SYNPR: variants seen among roughly 807,000 people sequenced by gnomAD.
The protein encoded by SYNPR is synaptoporin.
A neutral mutation model predicts 32.9 loss-of-function variants in SYNPR; 23 were observed. That is an observed-to-expected ratio of 0.70 (90% CI 0.50 to 0.99). The LOEUF is 0.99. Among genes scored for constraint, SYNPR ranks in the 50% least tolerant of loss-of-function variants. The pLI is 0.00. For synonymous variants in SYNPR, 146 were observed against 135.9 expected (o/e 1.07, Z -0.52); for missense variants, 318 against 349.3 (o/e 0.91, Z 0.71).
At position 63,534,047 on chromosome 3, in the gene SYNPR, C is replaced by G. The variant is rs138988930; in HGVS notation, c.210-22496C>G. 3.9e-5 allele frequency among the ~76,000 whole-genome samples: 6 copies of G among 152,244 alleles called. No individual in the cohort carries two copies. The East Asian group carries it at 1.2e-3, about 29-fold the overall frequency. ...AGTAGGAAATATGTGACCCTAGAAACTTGTATTTAAATAGATCCAACTTGA... is the reference window on the plus strand; with the variant it reads ...AGTAGGAAATATGTGACCCTAGAAAGTTGTATTTAAATAGATCCAACTTGA... On this transcript the variant is annotated intron_variant, in intron 3 of 5. Coordinates refer to ENST00000478300, the MANE Select transcript of SYNPR (RefSeq NM_001130003.2).
rs189544774 is a variant in SYNPR, at chr3:63,378,696, C to T, written c.84+99954C>T. On this transcript the variant is annotated intron_variant, in intron 2 of 5. Coordinates refer to ENST00000478300, the MANE Select transcript of SYNPR (RefSeq NM_001130003.2). ...CGCCTGTATTATCTTATCCTCTTGA[C>T]GTCTGCAGGGTCTGTAGCGATATAT... Among the ~76,000 whole-genome samples the T allele has an allele frequency of 4.0e-3, 608 of 152,110 alleles. 2 individuals carry two copies. Among genetic ancestry groups the T allele is most frequent in the Non-Finnish European group, 6.4e-3 (432 of 67,936 alleles).
At chr3:63,498,781 G>T (rs1479546470) in intron 3 of SYNPR, among the ~76,000 whole-genome samples, 1 of 151,896 alleles carries the variant, frequency 6.6e-6, no homozygotes, top group Non-Finnish European at 1.5e-5. Flanking sequence ...TAAGGCGTGT[G>T]AATTTTTTTC....
intron 2 of SYNPR, among the ~76,000 whole-genome samples, chr3:63,459,994 C>T (rs559162633): frequency 1.3e-5 from 2 of 152,196 alleles, no homozygotes; most frequent in East Asian, 1.9e-4. Context: ...TCTCACTTCG[C>T]TGTCTGTCTC....
At chr3:63,363,999 G>T (rs181486217) in intron 2 of SYNPR, among the ~76,000 whole-genome samples, 44 of 152,296 alleles carry the variant, frequency 2.9e-4, no homozygotes, top group Non-Finnish European at 5.6e-4. Flanking sequence ...TACCCCTGAC[G>T]ATGCAGATCC....
intron 1 of SYNPR, among the ~76,000 whole-genome samples, chr3:63,230,002 C>A (rs886371367): frequency 1.3e-5 from 2 of 152,126 alleles, no homozygotes; most frequent in Non-Finnish European, 2.9e-5. Flanking sequence ...TCAGATACCA[C>A]CAGTGGTATA....
At chr3:63,503,716 T>C (rs1701528941) in intron 3 of SYNPR, among the ~76,000 whole-genome samples, 1 of 152,084 alleles carries the variant, frequency 6.6e-6, no homozygotes, top group Non-Finnish European at 1.5e-5. Context: ...AAGGGTTGTT[T>C]CTACTGGATT....
At chr3:63,229,930 A>G (rs2086154723) in intron 1 of SYNPR, among the ~76,000 whole-genome samples, 1 of 152,172 alleles carries the variant, frequency 6.6e-6, no homozygotes, top group Non-Finnish European at 1.5e-5. Context: ...TACCCATTAC[A>G]TTAATTTACA....
At chr3:63,203,970 T>C in the SYNPR span, among the ~76,000 whole-genome samples, 1 of 152,020 alleles carries the variant, frequency 6.6e-6, no homozygotes, top group Admixed American at 6.6e-5. Context: ...TGGCATTCCA[T>C]CCTGGGGCAA....
chr3:63,210,727 T>C, the SYNPR span, among the ~76,000 whole-genome samples: 1 of 152,234 alleles, frequency 6.6e-6, no homozygotes, highest in African/African-American at 2.4e-5. Context: ...TTATCTTCTA[T>C]AAGTTGTTTC....
chr3:63,290,927 C>T (rs796500196), intron 2 of SYNPR, among the ~76,000 whole-genome samples: 5 of 152,288 alleles, frequency 3.3e-5, no homozygotes, highest in African/African-American at 1.2e-4. Flanking sequence ...ACAGTTGGCA[C>T]ACTTTTCAGG....
rs139167078 is a variant in SYNPR, at chr3:63,476,816, T to C, written c.85-4016T>C. On this transcript the variant is annotated intron_variant, in intron 2 of 5. Coordinates refer to ENST00000478300, the MANE Select transcript of SYNPR (RefSeq NM_001130003.2). ...TGAAACACAATTTGAGATTATTTTA[T>C]TTGTATGTGCTTTTTGATTGTGTCT... Among the ~76,000 whole-genome samples, 163 of 152,298 alleles carry C rather than the reference T, an allele frequency of 1.1e-3. 1 individual carries two copies. Among genetic ancestry groups the C allele is most frequent in the African/African-American group, 3.6e-3 (148 of 41,566 alleles).
At chr3:63,410,177 A>G (rs2088443062) in intron 2 of SYNPR, among the ~76,000 whole-genome samples, 1 of 152,198 alleles carries the variant, frequency 6.6e-6, no homozygotes, top group Non-Finnish European at 1.5e-5. Flanking sequence ...GGCAATTATG[A>G]ACTGTCTACT....
chr3:63,284,528 C>T (rs7633442), intron 2 of SYNPR, among the ~76,000 whole-genome samples: 10,725 of 152,174 alleles, frequency 0.07, 410 homozygotes, highest in Middle Eastern at 0.099. Flanking sequence ...CCCTTTCCAG[C>T]CTACCTCCCT....
intron 2 of SYNPR, among the ~76,000 whole-genome samples, chr3:63,299,658 T>C (rs1288954691): frequency 6.6e-6 from 1 of 152,142 alleles, no homozygotes; most frequent in Non-Finnish European, 1.5e-5. Flanking sequence ...GGAAGGCAGA[T>C]TCTTCAAGAA....
chr3:63,222,410 C>T, the SYNPR span, among the ~76,000 whole-genome samples: 2 of 152,108 alleles, frequency 1.3e-5, no homozygotes, highest in Non-Finnish European at 2.9e-5. Flanking sequence ...TTAAAACATG[C>T]CTACTTCCTT....
chr3:63,220,672 C>T, the SYNPR span, among the ~76,000 whole-genome samples: 1 of 152,158 alleles, frequency 6.6e-6, no homozygotes, highest in East Asian at 1.9e-4. Context: ...AGAATAAATC[C>T]AGTTTTCAGC....
intron 2 of SYNPR, among the ~76,000 whole-genome samples, chr3:63,424,669 A>G (rs1315025647): frequency 6.6e-6 from 1 of 152,216 alleles, no homozygotes; most frequent in African/African-American, 2.4e-5. Context: ...TCGCTTTGCA[A>G]TCACTCTGTT....
chr3:63,386,108 C>T (rs554183702), intron 2 of SYNPR, among the ~76,000 whole-genome samples: 1 of 152,304 alleles, frequency 6.6e-6, no homozygotes, highest in East Asian at 1.9e-4. Context: ...TGGTAGCACT[C>T]AGCTGACATA....
At chr3:63,370,435 G>C (rs964036002) in intron 2 of SYNPR, among the ~76,000 whole-genome samples, 1 of 152,172 alleles carries the variant, frequency 6.6e-6, no homozygotes, top group Non-Finnish European at 1.5e-5. Context: ...AAGCTGTCTA[G>C]TGTGCCAATA....
Sources: allele counts gnomAD v4.1 joint callset (sites outside exome capture counted in the v4.1 genomes callset), GRCh38; gene constraint gnomAD v4.1.1; transcripts MANE v1.5; gene names NCBI Gene and HGNC (gene_info 2026-07-23, HGNC 2026-07-21).